The following ELF2 variants were observed in gnomAD, a reference collection of about 807,000 sequenced individuals.
ELF2 encodes the protein ETS-related transcription factor Elf-2.
ELF2 carries 11 observed loss-of-function variants against 54.8 expected under a neutral mutation model. The observed-to-expected ratio is 0.20, with a 90% CI of 0.13 to 0.33. The LOEUF (loss-of-function observed/expected upper bound fraction) is 0.33. ELF2 is among the 10% of genes least tolerant of loss of function. The pLI is 1.00. For missense variants in ELF2, 513 were observed against 703.0 expected (o/e 0.73, Z 3.06); for synonymous variants, 203 against 245.1 (o/e 0.83, Z 1.61).
chr4:139,172,747 T>C (rs1006032411), intron 1 of ELF2, among the ~76,000 whole-genome samples: 8 of 152,100 alleles, frequency 5.3e-5, no homozygotes, highest in African/African-American at 1.9e-4. Context: ...TTGTTTTTAA[T>C]CTCTTATTAT....
At chr4:139,121,171 C>T (rs553625400) in intron 4 of ELF2, among the ~76,000 whole-genome samples, 33 of 131,390 alleles carry the variant, frequency 2.5e-4, no homozygotes, top group African/African-American at 8.3e-4. Flanking sequence ...TGCAGTGGCG[C>T]GATCTCGGCT....
chr4:139,096,073 T>C (rs1011603940), intron 4 of ELF2, among the ~76,000 whole-genome samples: 3 of 152,106 alleles, frequency 2.0e-5, no homozygotes, highest in African/African-American at 7.2e-5. Flanking sequence ...ATCACGCCAC[T>C]GCACTCCAGC....
intron 4 of ELF2, among the ~76,000 whole-genome samples, chr4:139,122,586 C>T (rs1055987550): frequency 6.6e-6 from 1 of 152,070 alleles, no homozygotes; most frequent in Admixed American, 6.6e-5. Flanking sequence ...ACCACAACCT[C>T]CACCTCCTGA....
chr4:139,114,474 C>T (rs1266440243), intron 4 of ELF2, among the ~76,000 whole-genome samples: 1 of 151,266 alleles, frequency 6.6e-6, no homozygotes, highest in Admixed American at 6.6e-5. Flanking sequence ...GAGGCTGAGG[C>T]AGGAGAATCG....
intron 4 of ELF2, among the ~76,000 whole-genome samples, chr4:139,081,689 C>T (rs1054458401): frequency 6.6e-6 from 1 of 152,142 alleles, no homozygotes; most frequent in African/African-American, 2.4e-5. Context: ...CCTACCAATG[C>T]TATTGAAAAT....
intron 1 of ELF2, among the ~76,000 whole-genome samples, chr4:139,151,733 G>A (rs1006405567): frequency 6.6e-6 from 1 of 152,204 alleles, no homozygotes; most frequent in Admixed American, 6.5e-5. Flanking sequence ...CACCCAATAT[G>A]TGAAAACTGA....
chr4:139,094,190 C>A (rs958031957), intron 4 of ELF2, among the ~76,000 whole-genome samples: 1 of 152,078 alleles, frequency 6.6e-6, no homozygotes, highest in Non-Finnish European at 1.5e-5. Context: ...TGAGCCACCA[C>A]GCCCGGCAAC....
chr4:139,165,899 C>T (rs1741671998), intron 1 of ELF2, among the ~76,000 whole-genome samples: 1 of 152,176 alleles, frequency 6.6e-6, no homozygotes, highest in Non-Finnish European at 1.5e-5. Context: ...TCTTAGAAAT[C>T]TAATATGTCA....
intron 4 of ELF2, among the ~76,000 whole-genome samples, chr4:139,123,841 C>G (rs1414572099): frequency 6.6e-6 from 1 of 152,090 alleles, no homozygotes; most frequent in African/African-American, 2.4e-5. Context: ...ATATATAATC[C>G]AAAACATCAT....
At chr4:139,174,901 AAGCCACTGCACCC>A (rs1478249905) in intron 1 of ELF2, among the ~76,000 whole-genome samples, 2 of 152,202 alleles carry the variant, frequency 1.3e-5, no homozygotes, top group African/African-American at 4.8e-5. Context: ...TTACAGGCAC[AAGCCACTGCACCC>A]AGCAACTATG....
intron 1 of ELF2, among the ~76,000 whole-genome samples, chr4:139,169,659 C>T (rs1398584278): frequency 6.6e-6 from 1 of 151,988 alleles, no homozygotes; most frequent in East Asian, 1.9e-4. Flanking sequence ...AGATCGAGAC[C>T]ATCCTGGCTA....
intron 4 of ELF2, among the ~76,000 whole-genome samples, chr4:139,083,881 C>T (rs1349303379): frequency 2.0e-5 from 3 of 152,228 alleles, no homozygotes; most frequent in African/African-American, 7.2e-5. Flanking sequence ...CCGGCAGCTG[C>T]TGCTGCTGCT....
chr4:139,098,613 C>A (rs1389573824), intron 4 of ELF2, among the ~76,000 whole-genome samples: 3 of 151,990 alleles, frequency 2.0e-5, no homozygotes, highest in Middle Eastern at 6.8e-3. Context: ...GGACTACAGG[C>A]GCCTGCCACC....
At chr4:139,063,856 A>G (rs1728248564) in intron 7 of ELF2, among the ~76,000 whole-genome samples, 2 of 145,004 alleles carry the variant, frequency 1.4e-5, no homozygotes, top group South Asian at 4.3e-4. Context: ...CTGGGCAAGT[A>G]AAAAAAAAAA....
intron 1 of ELF2, among the ~76,000 whole-genome samples, chr4:139,171,156 C>T (rs1439979723): frequency 2.0e-5 from 3 of 152,100 alleles, no homozygotes; most frequent in East Asian, 1.9e-4. Flanking sequence ...GGCAGGCCAA[C>T]GCAGGAGGAT....
intron 1 of ELF2, among the ~76,000 whole-genome samples, chr4:139,166,643 C>A (rs903034191): frequency 2.0e-5 from 3 of 151,984 alleles, no homozygotes; most frequent in Non-Finnish European, 4.4e-5. Context: ...CCGAGGTGGG[C>A]GGATCACAAG....
At chr4:139,060,875 G>A (rs902052993) in intron 8 of ELF2, among the ~76,000 whole-genome samples, 1 of 152,130 alleles carries the variant, frequency 6.6e-6, no homozygotes, top group Non-Finnish European at 1.5e-5. Flanking sequence ...TGGAACCTGG[G>A]GCCAAGGTCC....
At chr4:139,115,319 GGCCCGGGGGCCGGGGTC>G (rs1735556312) in intron 4 of ELF2, 1 of 1,512,892 alleles carries the variant, frequency 6.6e-7, no homozygotes, top group African/African-American at 1.4e-5. Flanking sequence ...GCCACTGCCC[GGCCCGGGGGCCGGGGTC>G]GCCAACGCCG....
intron 1 of ELF2, among the ~76,000 whole-genome samples, chr4:139,162,041 C>A (rs1038847224): frequency 1.3e-5 from 2 of 152,066 alleles, no homozygotes; most frequent in Non-Finnish European, 2.9e-5. Context: ...TTGCAGTGAG[C>A]TGAGATTGCG....
Sources: gnomAD v4.1 joint callset for allele counts (sites outside exome capture counted in the v4.1 genomes callset) on GRCh38, gnomAD v4.1.1 for gene constraint, MANE v1.5 for transcripts, NCBI Gene and HGNC (gene_info 2026-07-23, HGNC 2026-07-21) for gene names.